The following EXOSC10 variants were observed in gnomAD, a reference collection of about 807,000 sequenced individuals.
EXOSC10 encodes the protein exosome component 10.
EXOSC10 carries 94 observed loss-of-function variants against 126.6 expected under a neutral mutation model. The ratio of observed to expected loss-of-function variants is 0.74; its 90% confidence interval spans 0.63 to 0.88. EXOSC10 has a LOEUF of 0.88. EXOSC10 is among the 40% of genes least tolerant of loss of function. The pLI, the probability that EXOSC10 is intolerant of heterozygous loss-of-function variation, is 0.00. For synonymous variants in EXOSC10, 395 were observed against 400.8 expected, an observed-to-expected ratio of 0.99 and a Z score of 0.17; for missense variants, 1,041 against 1,100.5, an observed-to-expected ratio of 0.95 and a Z score of 0.77.
At chr1:11,088,037 A>C in intron 7 of EXOSC10, 86 bp downstream of exon 7, 1 of 1,323,674 alleles carries the variant, frequency 7.6e-7, no homozygotes, top group Admixed American at 2.0e-5. Flanking sequence ...ATCTTCAAGG[A>C]AAGTCAAAAT....
chr1:11,075,853 C>CCAAAAAAAAAAAAA (rs1639782902), intron 17 of EXOSC10, among the ~76,000 whole-genome samples: 1 of 35,122 alleles, frequency 2.8e-5, no homozygotes, highest in Admixed American at 4.9e-4. Flanking sequence ...GATCCTGTCA[C>CCAAAAAAAAAAAAA]AAAAAAAAAA....
Position 11,071,152 on chromosome 1 carries a change from T to C in EXOSC10, c.2243-179A>G. 3 of 593,550 alleles carry C rather than the reference T, an allele frequency of 5.1e-6. No homozygotes were observed. The East Asian group carries it at 8.5e-5, about 17-fold the overall frequency. The allele number at this position is 593,550 out of a possible 1,614,324, so 36.8% of individuals were successfully genotyped here. ...GGCTGCCTCAGAGCTCAGGCTCAGG[T>C]GCTCTGCCCACCTTCAGCTACACGT... On this transcript the variant is annotated intron_variant, in intron 20 of 24. Coordinates refer to ENST00000376936, the MANE Select transcript of EXOSC10 (RefSeq NM_001001998.3).
At chr1:11,098,292 A>G (rs1641228061) in intron 1 of EXOSC10, 136 bp from the exon 2 acceptor site, 1 of 1,052,366 alleles carries the variant, frequency 9.5e-7, no homozygotes, top group South Asian at 2.0e-5. Context: ...GCCAAACCCC[A>G]ATCTAATCTA....
chr1:11,068,113 G>T (rs951351664), intron 23 of EXOSC10, 29 bp from the exon 24 acceptor site: 1 of 1,596,548 alleles, frequency 6.3e-7, no homozygotes, highest in Non-Finnish European at 8.6e-7. Flanking sequence ...GTTTAAGCTG[G>T]GTGGGCACCT....
chr1:11,076,357 A>C (rs1163469882), intron 17 of EXOSC10, among the ~76,000 whole-genome samples: 1 of 152,114 alleles, frequency 6.6e-6, no homozygotes, highest in African/African-American at 2.4e-5. Context: ...AAAAAAAAAA[A>C]AATCATTTCT....
chr1:11,076,992 GTTTAT>G (rs753531583), intron 16 of EXOSC10, 44 bp from the exon 17 acceptor site: 16 of 1,514,622 alleles, frequency 1.1e-5, no homozygotes, highest in Non-Finnish European at 1.5e-5. Context: ...ACAGAATTTT[GTTTAT>G]TTTTTCTTTT....
chr1:11,083,963 T>C (rs1640342872), intron 9 of EXOSC10, among the ~76,000 whole-genome samples: 1 of 152,220 alleles, frequency 6.6e-6, no homozygotes, highest in Non-Finnish European at 1.5e-5. Context: ...GAACTCATCC[T>C]TTTTTATGGC....
intron 1 of EXOSC10, among the ~76,000 whole-genome samples, 191 bp from the exon 2 acceptor site, chr1:11,098,347 T>C (rs989018721): frequency 1.3e-5 from 2 of 152,188 alleles, no homozygotes; most frequent in Non-Finnish European, 2.9e-5. Flanking sequence ...GTTTGGAGCT[T>C]ATATTCTTGG....
chr1:11,073,377 C>T (rs1323107950), intron 19 of EXOSC10, among the ~76,000 whole-genome samples: 6 of 152,066 alleles, frequency 3.9e-5, no homozygotes, highest in Non-Finnish European at 7.4e-5. Context: ...CATGATCCGC[C>T]CGCCTCGGCC....
intron 10 of EXOSC10, 146 bp downstream of exon 10, chr1:11,082,542 C>A: frequency 4.7e-6 from 7 of 1,486,176 alleles, no homozygotes; most frequent in Non-Finnish European, 6.2e-6. Context: ...ACCACTTTTA[C>A]GCTGCTGAAG....
Position 11,068,059 on chromosome 1 carries a change from T to G in EXOSC10, c.2576A>C (p.Lys859Thr). 6.2e-7 allele frequency: 1 copy of G among 1,614,174 alleles called. No individual in the cohort carries two copies. The highest frequency in any genetic ancestry group is 1.6e-4 in the Middle Eastern group (1 of 6,062). ...GKKCIAAKKI[K>T]QSVGNKSMSF... The stretch of plus-strand genomic sequence containing the variant: ...CATGCTTTTGTTTCCCACCGACTGT[T>G]TAATTTTTTTGGCTGCAATGCATTT... Residue 859 changes from lysine to threonine, a missense_variant, in exon 24 of 25, where the codon AAA becomes ACA. Physicochemically the swap from Lys to Thr is moderately conservative, Grantham distance 78. Coordinates refer to ENST00000376936, the MANE Select transcript of EXOSC10 (RefSeq NM_001001998.3).
rs58667041 is a variant in EXOSC10, at chr1:11,075,853, CAAAAAAAAAAAAA to C, written c.1986+976_1986+988del. ...TGGGTGACAGGATGAGATCCTGTCA[CAAAAAAAAAAAAA>C]AAAAAAAAAAAAAAAAATGCCGGGT... On this transcript the variant is annotated intron_variant, in intron 17 of 24. Coordinates refer to ENST00000376936, the MANE Select transcript of EXOSC10 (RefSeq NM_001001998.3). 1.2e-3 allele frequency among the ~76,000 whole-genome samples: 41 copies of C among 35,144 alleles called. No individual in the cohort carries two copies. The East Asian group carries it at 0.032, about 27-fold the overall frequency. 23.1% of individuals were successfully genotyped at this position (35,144 alleles called of 152,430 possible). A position where few individuals can be genotyped will look rare whatever the true frequency, so the allele number is the denominator to read the frequency against.
chr1:11,069,588 T>C lies in EXOSC10; in HGVS notation c.2459A>G (p.Tyr820Cys). ...PPEKEFTPYD[Y>C]SQSDFKAFAG... ...AAAAGCCTTGAAGTCTGACTGGCTG[T>C]AGTCGTAAGGCGTAAACTCTTTTTC... The change falls in exon 22 of 25, where the codon TAC becomes TGC. Residue 820 changes from tyrosine (Y) to cysteine (C), a missense_variant. Coordinates refer to ENST00000376936, the MANE Select transcript of EXOSC10 (RefSeq NM_001001998.3). 2 of 1,613,732 alleles carry C rather than the reference T, an allele frequency of 1.2e-6. No homozygotes were observed. Among genetic ancestry groups the C allele is most frequent in the Non-Finnish European group, 1.7e-6 (2 of 1,179,962 alleles).
intron 3 of EXOSC10, among the ~76,000 whole-genome samples, chr1:11,095,211 C>CAAA (rs1222636613): frequency 3.1e-4 from 16 of 52,422 alleles, no homozygotes; most frequent in African/African-American, 7.9e-4. Context: ...GACTCCGTCT[C>CAAA]AAAAAAAAAA....
chr1:11,079,862 A>C, intron 13 of EXOSC10, 40 bp from the exon 14 acceptor site: 2 of 1,508,744 alleles, frequency 1.3e-6, no homozygotes, highest in South Asian at 1.2e-5. Context: ...GTCACTCAGA[A>C]ACGCAGCCCT....
chr1:11,096,649 A>C (rs1459196964), intron 2 of EXOSC10, among the ~76,000 whole-genome samples: 2 of 149,402 alleles, frequency 1.3e-5, no homozygotes, highest in Non-Finnish European at 3.0e-5. Flanking sequence ...CAGCTACTTT[A>C]AAAATTTTTT....
At chr1:11,091,715 G>A (rs1640816707) in intron 3 of EXOSC10, 118 bp from the exon 4 acceptor site, 5 of 737,010 alleles carry the variant, frequency 6.8e-6, no homozygotes, top group African/African-American at 1.8e-5. Flanking sequence ...CTGGAGTGCA[G>A]TGGCGCAATC....
chr1:11,073,958 G>T lies in EXOSC10; in HGVS notation c.2133C>A (p.Phe711Leu). ...CTTCATAGATTTTGGTTGATGGATC[G>T]AACTTCGCTGCCTGAGAGACGGGAG... The part of the protein sequence containing the change: ...HRAPVSQAAK[F>L]DPSTKIYEIS... The change falls in exon 19 of 25, where the codon TTC (phenylalanine) becomes TTA (leucine). Residue 711 changes from phenylalanine to leucine, a missense_variant. Phe to Leu is a conservative substitution (Grantham distance 22). Coordinates refer to ENST00000376936, the MANE Select transcript of EXOSC10 (RefSeq NM_001001998.3). 1 of 1,612,480 alleles carries T rather than the reference G, an allele frequency of 6.2e-7. No individual in the cohort carries two copies. Among genetic ancestry groups the T allele is most frequent in the Non-Finnish European group, 8.5e-7 (1 of 1,179,466 alleles).
In EXOSC10 at chr1:11,080,834, G is replaced by T; in HGVS notation, c.1516C>A (p.Gln506Lys). The T allele has an allele frequency of 1.2e-6, 2 of 1,614,146 alleles. No homozygotes were observed. The highest frequency in any genetic ancestry group is 1.7e-6 in the Non-Finnish European group (2 of 1,180,020). ...AACAGCAGCTGAAAGGCTGTCAACT[G>T]CTGTGTGTTAAGGTGCTTCTTCTGC... ...RKQKKHLNTQQLTAFQLLFAW... is the reference protein window; with the variant it reads ...RKQKKHLNTQKLTAFQLLFAW... The change falls in exon 12 of 25, where the codon CAG becomes AAG. Residue 506 changes from glutamine (Q) to lysine (K), a missense_variant. By Grantham distance (53) the Gln-to-Lys change is moderately conservative. Coordinates refer to ENST00000376936, the MANE Select transcript of EXOSC10 (RefSeq NM_001001998.3).
Sources: gnomAD v4.1 joint callset for allele counts (sites outside exome capture counted in the v4.1 genomes callset) on GRCh38, gnomAD v4.1.1 for gene constraint, MANE v1.5 for transcripts, NCBI Gene and HGNC (gene_info 2026-07-23, HGNC 2026-07-21) for gene names.